The following ANO10 variants were observed in gnomAD, a reference collection of about 807,000 sequenced individuals.
ANO10 encodes anoctamin-10.
ANO10 carries 77 observed loss-of-function variants against 74.7 expected under a neutral mutation model. The ratio of observed to expected loss-of-function variants is 1.03; its 90% CI spans 0.86 to 1.25. The LOEUF is 1.25. Among genes scored for constraint, ANO10 ranks in the 50% most tolerant of loss-of-function variants. The probability of loss-of-function intolerance (pLI) is 0.00; values close to 1 mark genes in which losing one functional copy is unlikely to be tolerated. For missense variants in ANO10, 721 were observed against 778.1 expected, an observed-to-expected ratio of 0.93 and a Z score of 0.87; for synonymous variants, 279 against 284.9, an observed-to-expected ratio of 0.98 and a Z score of 0.21.
At chr3:43,408,453 A>T (rs1302956410) in intron 12 of ANO10, among the ~76,000 whole-genome samples, 1 of 152,206 alleles carries the variant, frequency 6.6e-6, no homozygotes, top group Non-Finnish European at 1.5e-5. Context: ...TGGGTTTTTC[A>T]ACTTAGAGCT....
intron 12 of ANO10, among the ~76,000 whole-genome samples, chr3:43,384,601 A>G (rs146089503): frequency 2.3e-4 from 35 of 152,314 alleles, no homozygotes; most frequent in East Asian, 1.7e-3. Context: ...TAGAACACAG[A>G]ATCCAGAAAT....
Position 43,561,214 on chromosome 3 carries a change from A to G in ANO10, c.1476+6T>C, listed in dbSNP as rs377036141. On this transcript the variant is annotated splice_donor_region_variant and intron_variant, in intron 9 of 12. Coordinates refer to ENST00000292246, the MANE Select transcript of ANO10 (RefSeq NM_018075.5). ...AAATGTTTAATTCAGCAATATTCCA[A>G]CTTACCAAATAAGTTCCCATTTCTT... 1 of 1,613,926 alleles carries G rather than the reference A, an allele frequency of 6.2e-7. No individual in the cohort carries two copies. Among genetic ancestry groups the G allele is most frequent in the Non-Finnish European group, 8.5e-7 (1 of 1,179,934 alleles).
intron 11 of ANO10, among the ~76,000 whole-genome samples, chr3:43,533,767 G>A (rs2078575253): frequency 6.6e-6 from 1 of 152,168 alleles, no homozygotes; most frequent in South Asian, 2.1e-4. Flanking sequence ...CTCTTATTCT[G>A]AAAAGGTCAA....
At chr3:43,662,791 GAAGA>G (rs1328752916) in intron 1 of ANO10, among the ~76,000 whole-genome samples, 11 of 152,010 alleles carry the variant, frequency 7.2e-5, no homozygotes, top group African/African-American at 2.7e-4. Flanking sequence ...AGAAAAACTA[GAAGA>G]AATGGATAAA....
At chr3:43,462,746 G>A (rs982831080) in intron 11 of ANO10, among the ~76,000 whole-genome samples, 19 of 152,202 alleles carry the variant, frequency 1.2e-4, no homozygotes, top group African/African-American at 4.3e-4. Context: ...CCCATCACAG[G>A]CCAGGAGGCC....
intron 11 of ANO10, among the ~76,000 whole-genome samples, chr3:43,526,048 T>C (rs1420369141): frequency 6.6e-6 from 1 of 152,152 alleles, no homozygotes; most frequent in Non-Finnish European, 1.5e-5. Context: ...TTAGAAAGTA[T>C]TAAGTAAAAA....
chr3:43,407,164 A>G (rs2092590488), intron 12 of ANO10, among the ~76,000 whole-genome samples: 1 of 152,144 alleles, frequency 6.6e-6, no homozygotes, highest in Admixed American at 6.5e-5. Flanking sequence ...TCGGCCTCCT[A>G]AAGTGCTGGG....
intron 12 of ANO10, among the ~76,000 whole-genome samples, chr3:43,396,396 T>C (rs777521456): frequency 2.0e-5 from 3 of 152,022 alleles, no homozygotes; most frequent in East Asian, 1.9e-4. Context: ...TGGAGTGCAG[T>C]GGCGCAATCT....
chr3:43,537,042 G>A (rs1334291501), intron 11 of ANO10, among the ~76,000 whole-genome samples: 1 of 143,800 alleles, frequency 7.0e-6, no homozygotes, highest in Non-Finnish European at 1.5e-5. Context: ...CTTACTCTGA[G>A]TCCTTGGCAA....
At chr3:43,569,934 A>G (rs2080607997) in intron 7 of ANO10, among the ~76,000 whole-genome samples, 1 of 119,404 alleles carries the variant, frequency 8.4e-6, no homozygotes, top group Non-Finnish European at 1.7e-5. Context: ...ATATCTAGAA[A>G]ACCCCATTGT....
intron 9 of ANO10, among the ~76,000 whole-genome samples, chr3:43,561,011 T>A (rs1478984827): frequency 6.6e-6 from 1 of 152,216 alleles, no homozygotes; most frequent in Non-Finnish European, 1.5e-5. Context: ...TTTGGTGTCA[T>A]TATGCGTAAC....
rs553300132 is a variant in ANO10 at position 43,483,130 on chromosome 3, T to G, written c.1798-50403A>C. Reference sequence around the variant, plus strand: ...TGTGCTCTGGGACATGGATGGATGGTCAGCATCAAATGCCACAAGGCAGGA... The same window carrying G: ...TGTGCTCTGGGACATGGATGGATGGGCAGCATCAAATGCCACAAGGCAGGA... On this transcript the variant is annotated intron_variant, in intron 11 of 12. Coordinates refer to ENST00000292246, the MANE Select transcript of ANO10 (RefSeq NM_018075.5). Among the ~76,000 whole-genome samples, 131 of 152,362 alleles carry G rather than the reference T, an allele frequency of 8.6e-4. 1 individual carries two copies. Among genetic ancestry groups the G allele is most frequent in the Middle Eastern group, 3.4e-3 (1 of 294 alleles).
intron 11 of ANO10, among the ~76,000 whole-genome samples, chr3:43,548,907 G>C (rs942277906): frequency 6.6e-6 from 1 of 152,152 alleles, no homozygotes; most frequent in Non-Finnish European, 1.5e-5. Context: ...CTTGGGCTTT[G>C]CATGTGAAAT....
intron 1 of ANO10, among the ~76,000 whole-genome samples, chr3:43,610,492 T>C (rs1194276001): frequency 1.3e-5 from 2 of 152,232 alleles, no homozygotes; most frequent in African/African-American, 2.4e-5. Flanking sequence ...GCTACTTTTA[T>C]GCAACTGGCA....
chr3:43,412,007 A>T (rs1198646987), intron 12 of ANO10, among the ~76,000 whole-genome samples: 4 of 148,086 alleles, frequency 2.7e-5, no homozygotes, highest in African/African-American at 9.8e-5. Flanking sequence ...AAACATATTT[A>T]TATATATAAT....
intron 12 of ANO10, among the ~76,000 whole-genome samples, chr3:43,411,391 T>C (rs1186976889): frequency 6.6e-6 from 1 of 152,198 alleles, no homozygotes; most frequent in African/African-American, 2.4e-5. Flanking sequence ...GACAACTATT[T>C]TGCAGCTGAG....
chr3:43,436,290 AATAAG>A (rs1237915357), intron 11 of ANO10, among the ~76,000 whole-genome samples: 1 of 152,216 alleles, frequency 6.6e-6, no homozygotes, highest in Admixed American at 6.5e-5. Flanking sequence ...AATAAAAGAA[AATAAG>A]ATAAAATAGG....
chr3:43,384,387 C>A (rs1442023726), intron 12 of ANO10, among the ~76,000 whole-genome samples: 1 of 152,098 alleles, frequency 6.6e-6, no homozygotes, highest in African/African-American at 2.4e-5. Flanking sequence ...CAATTTCCAT[C>A]AAAATAGTAC....
At chr3:43,547,930 G>T (rs371107037) in intron 11 of ANO10, among the ~76,000 whole-genome samples, 1 of 152,330 alleles carries the variant, frequency 6.6e-6, no homozygotes, top group East Asian at 1.9e-4. Flanking sequence ...TCAGAAGCTA[G>T]CGATGGACAC....
Sources: allele counts gnomAD v4.1 joint callset (sites outside exome capture counted in the v4.1 genomes callset), GRCh38; gene constraint gnomAD v4.1.1; transcripts MANE v1.5; gene names NCBI Gene and HGNC (gene_info 2026-07-23, HGNC 2026-07-21).